The following HEATR1 variants were observed in gnomAD, a reference collection of about 807,000 sequenced individuals.
HEATR1 encodes HEAT repeat containing 1.
Under a neutral mutation model 248.2 loss-of-function variants are expected in HEATR1, and 77 were observed. That is an observed-to-expected ratio of 0.31 (90% CI 0.26 to 0.37). HEATR1 has a LOEUF of 0.37. Ranked by LOEUF, HEATR1 falls within the 10% of genes least tolerant of loss-of-function variation. The pLI is 1.00. For synonymous variants in HEATR1, 897 were observed against 923.1 expected (o/e 0.97, Z 0.51); for missense variants, 2,420 against 2,504.9 (o/e 0.97, Z 0.72).
At chr1:236,580,612 G>A (rs1663697434) in intron 20 of HEATR1, among the ~76,000 whole-genome samples, 1 of 147,598 alleles carries the variant, frequency 6.8e-6, no homozygotes, top group Non-Finnish European at 1.5e-5. Flanking sequence ...GACCTCCCAG[G>A]CACAAGCCAT....
intron 34 of HEATR1, 144 bp downstream of exon 34, chr1:236,559,570 A>G: frequency 2.2e-5 from 22 of 1,006,544 alleles, no homozygotes; most frequent in Non-Finnish European, 3.1e-5. Context: ...CTAGTCATCA[A>G]GAGATTGTTT....
chr1:236,559,709 C>CCTA lies in HEATR1; in HGVS notation c.4770+2_4770+4dup. 1 of 1,604,054 alleles carries CCTA rather than the reference C, an allele frequency of 6.2e-7. No homozygotes were observed. The highest frequency in any genetic ancestry group is 1.3e-5 in the African/African-American group (1 of 74,764). On this transcript the variant is annotated splice_donor_region_variant and intron_variant, in intron 34 of 44. Transcript: ENST00000366582. ...CAGTAATTCCAGGGAGAAATGAACA[C>CCTA]CTACCTTATCTAACAGGTCGTAAGC...
rs1664397300 is a variant in HEATR1 at position 236,603,934 on chromosome 1, T to C, written c.142+20A>G. On this transcript the variant is annotated intron_variant, in intron 2 of 44. Transcript: ENST00000366582. ...AAACAAACGCTTCCAAGAGCTTTTCTAAGTTAAAAGATGGCTCACCAATGG... is the reference window on the plus strand; with the variant it reads ...AAACAAACGCTTCCAAGAGCTTTTCCAAGTTAAAAGATGGCTCACCAATGG... The C allele has an allele frequency of 4.4e-6, 7 of 1,581,582 alleles. No homozygotes were observed. The highest frequency in any genetic ancestry group is 6.0e-6 in the Non-Finnish European group (7 of 1,170,850).
intron 20 of HEATR1, among the ~76,000 whole-genome samples, chr1:236,578,474 C>A (rs1663624832): frequency 6.6e-6 from 1 of 152,170 alleles, no homozygotes; most frequent in Non-Finnish European, 1.5e-5. Flanking sequence ...AATTTTTGAT[C>A]ATGTTACTCC....
chr1:236,598,857 T>C (rs1327321498), intron 4 of HEATR1, among the ~76,000 whole-genome samples: 3 of 152,144 alleles, frequency 2.0e-5, no homozygotes, highest in African/African-American at 7.2e-5. Flanking sequence ...ATACATCTAC[T>C]TTCCTCCACC....
At chr1:236,567,730 A>T (rs1218562662) in intron 29 of HEATR1, among the ~76,000 whole-genome samples, 1 of 151,888 alleles carries the variant, frequency 6.6e-6, no homozygotes, top group Non-Finnish European at 1.5e-5. Context: ...AAGAAACAAT[A>T]CATGTGTGAA....
intron 20 of HEATR1, among the ~76,000 whole-genome samples, chr1:236,579,410 G>A (rs769744302): frequency 3.9e-5 from 6 of 152,286 alleles, no homozygotes; most frequent in African/African-American, 1.4e-4. Context: ...ACTGTCAAAG[G>A]ACAGTAAACA....
intron 43 of HEATR1, chr1:236,552,619 T>C (rs1662804197): frequency 1.3e-5 from 2 of 152,236 alleles, no homozygotes; most frequent in Non-Finnish European, 1.5e-5. Context: ...TGTGTCACAA[T>C]ATCCTAGTTT....
At position 236,549,779 on chromosome 1, in the gene HEATR1, T is replaced by C. The variant is rs1379765318; in HGVS notation, c.*1123A>G. ...TTAGGAAAAAAATAGCCCACTCACA[T>C]CATTCCTTGTAAGTCTTAAGTTCAT... On this transcript the variant is annotated 3_prime_UTR_variant, in exon 45 of 45. Coordinates refer to ENST00000366582, the MANE Select transcript of HEATR1 (RefSeq NM_018072.6). The C allele has an allele frequency of 6.6e-6, 1 of 152,210 alleles. No homozygotes were observed. The highest frequency in any genetic ancestry group is 1.5e-5 in the Non-Finnish European group (1 of 68,020). 9.4% of individuals were successfully genotyped at this position (152,210 alleles called of 1,614,324 possible).
chr1:236,583,049 T>C lies in HEATR1; in HGVS notation c.2389A>G (p.Ile797Val), dbSNP rs1027247087. ...GATTTAGGAGCTTTCAGTGCATAAA[T>C]AAATTTTTTCAAGGAAAATACAAGA... ...VFLVFSLKKFIYALKAPKSFP... is the reference protein window; with the variant it reads ...VFLVFSLKKFVYALKAPKSFP... The change falls in exon 18 of 45, where the codon ATT becomes GTT. Residue 797 changes from isoleucine (I) to valine (V), a missense_variant. Transcript: ENST00000366582. 9 of 1,613,954 alleles carry C rather than the reference T, an allele frequency of 5.6e-6. No homozygotes were observed. The highest frequency in any genetic ancestry group is 7.6e-6 in the Non-Finnish European group (9 of 1,179,994).
At chr1:236,602,947 CA>C in intron 3 of HEATR1, 1 of 553,768 alleles carries the variant, frequency 1.8e-6, no homozygotes, top group Non-Finnish European at 3.2e-6. Flanking sequence ...GAGGTTAGAC[CA>C]TTTACTCAAA....
rs151076927 is a variant in HEATR1 at position 236,549,966 on chromosome 1, A to G, written c.*936T>C. The G allele has an allele frequency of 2.6e-5, 4 of 152,342 alleles. No homozygotes were observed. The highest frequency in any genetic ancestry group is 9.6e-5 in the African/African-American group (4 of 41,576). The allele number at this position is 152,342 out of a possible 1,614,324, so 9.4% of individuals were successfully genotyped here. On this transcript the variant is annotated 3_prime_UTR_variant, in exon 45 of 45. Coordinates refer to ENST00000366582, the MANE Select transcript of HEATR1 (RefSeq NM_018072.6). ...CCACATTTCTGCATTAAACTTCTAT[A>G]TTAGCTTCAAAGGCTTTTAAACTCA...
intron 20 of HEATR1, among the ~76,000 whole-genome samples, chr1:236,580,594 G>A (rs113729020): frequency 0.025 from 3,600 of 144,736 alleles, 126 homozygotes; most frequent in East Asian, 0.14. Context: ...ACAGCTCACT[G>A]CAGCCTTGAC....
chr1:236,599,715 C>T (rs1572055500), intron 3 of HEATR1, 91 bp from the exon 4 acceptor site: 1 of 1,156,910 alleles, frequency 8.6e-7, no homozygotes, highest in East Asian at 2.5e-5. Flanking sequence ...TATTAATAAG[C>T]TAAAACAACC....
intron 24 of HEATR1, among the ~76,000 whole-genome samples, chr1:236,573,029 T>C (rs1237343256): frequency 6.6e-6 from 1 of 152,100 alleles, no homozygotes. Context: ...GAAAGCAAAG[T>C]AGGGAAGAGT....
In HEATR1 at chr1:236,572,287, T is replaced by C. The variant is rs779956084; in HGVS notation, c.3707+124A>G. ...AAAACCAATCTTTTAATTTCACCTA[T>C]AGTACTTGCTTTATTTTACAGACTA... On this transcript the variant is annotated intron_variant, in intron 26 of 44. Transcript: ENST00000366582. 26 of 1,108,558 alleles carry C rather than the reference T, an allele frequency of 2.3e-5. No homozygotes were observed. In the African/African-American group the frequency reaches 3.2e-4, roughly 13 times the overall value. 68.7% of individuals were successfully genotyped at this position (1,108,558 alleles called of 1,614,324 possible). A position where few individuals can be genotyped will look rare whatever the true frequency, so the allele number is the denominator to read the frequency against.
Position 236,571,447 on chromosome 1 carries a change from G to A in HEATR1, c.3852C>T (p.Asn1284=), listed in dbSNP as rs184629265. Residue 1284 remains asparagine (N), a synonymous_variant, in exon 28 of 45, where the codon AAC becomes AAT. Transcript: ENST00000366582. ...PKDILDEEKF[N]VELIVQCIRL... The stretch of plus-strand genomic sequence containing the variant: ...GGATGCACTGAACTATCAACTCCAC[G>A]TTGAACTTCTCCTCATCTAAAATAT... The A allele has an allele frequency of 6.4e-5, 104 of 1,613,966 alleles. 2 individuals are homozygous for A. The highest frequency in any genetic ancestry group is 5.8e-4 in the East Asian group (26 of 44,882).
At position 236,564,586 on chromosome 1, in the gene HEATR1, G is replaced by T. The variant is rs1302271532; in HGVS notation, c.4511C>A (p.Thr1504Asn). ...ATGCCGCAGTTGCTTGCTAGTGTGA[G>T]TCTCTACATTAAAAACCTGTAGCAT... ...EEMLQVFNVE[T>N]HTSKQLRHFK... The change falls in exon 32 of 45, where the codon ACT becomes AAT. Residue 1504 changes from threonine to asparagine, a missense_variant. Physicochemically the swap from Thr to Asn is moderately conservative, Grantham distance 65. Transcript: ENST00000366582. 6.2e-7 allele frequency: 1 copy of T among 1,613,774 alleles called. No individual in the cohort carries two copies. The highest frequency in any genetic ancestry group is 1.7e-5 in the Admixed American group (1 of 60,024).
chr1:236,592,346 C>G (rs1002155381), intron 10 of HEATR1, among the ~76,000 whole-genome samples, 177 bp downstream of exon 10: 1 of 152,128 alleles, frequency 6.6e-6, no homozygotes, highest in African/African-American at 2.4e-5. Context: ...CCCACACAAC[C>G]ACTATTTCCT....
Sources: gnomAD v4.1 joint callset for allele counts (sites outside exome capture counted in the v4.1 genomes callset) on GRCh38, gnomAD v4.1.1 for gene constraint, MANE v1.5 for transcripts, NCBI Gene and HGNC (gene_info 2026-07-23, HGNC 2026-07-21) for gene names.